The following EXD3 variants were observed in gnomAD, a reference collection of about 807,000 sequenced individuals.
EXD3 encodes exonuclease mut-7 homolog.
EXD3 carries 92 observed loss-of-function variants against 98.0 expected under a neutral mutation model. The observed-to-expected ratio is 0.94, with a 90% CI of 0.79 to 1.12. The LOEUF is 1.12. Ranked by LOEUF, EXD3 falls within the 50% of genes most tolerant of loss-of-function variation. EXD3 has a pLI of 0.00. For missense variants in EXD3, 1,222 were observed against 1,191.6 expected, an observed-to-expected ratio of 1.03 and a Z score of -0.38; for synonymous variants, 569 against 526.0, an observed-to-expected ratio of 1.08 and a Z score of -1.12.
intron 17 of EXD3, among the ~76,000 whole-genome samples, chr9:137,325,420 C>T (rs533598000): frequency 1.3e-5 from 2 of 152,232 alleles, no homozygotes; most frequent in South Asian, 4.1e-4. Context: ...AGAATGGTTC[C>T]TTAAAATCAT....
intron 5 of EXD3, among the ~76,000 whole-genome samples, chr9:137,369,839 C>A (rs1183562354): frequency 1.3e-5 from 2 of 152,350 alleles, no homozygotes; most frequent in South Asian, 2.1e-4. Flanking sequence ...CTCTTCACCA[C>A]GGCCATTCAG....
At position 137,317,250 on chromosome 9, in the gene EXD3, C is replaced by T. The variant is rs558985573; in HGVS notation, c.2184+6475G>A. Among the ~76,000 whole-genome samples the T allele has an allele frequency of 3.2e-4, 48 of 152,238 alleles. 1 individual carries two copies. The Middle Eastern group carries it at 0.01, about 32-fold the overall frequency. On this transcript the variant is annotated intron_variant, in intron 19 of 21. Coordinates refer to ENST00000340951, the MANE Select transcript of EXD3 (RefSeq NM_017820.5). The stretch of plus-strand genomic sequence containing the variant: ...CTCCTGTTGGATGGGCAAAATGTGG[C>T]GACTGGACACAGACCCTACCTTGTC...
chr9:137,396,651 C>T (rs1179270564), intron 1 of EXD3, among the ~76,000 whole-genome samples: 1 of 152,222 alleles, frequency 6.6e-6, no homozygotes, highest in East Asian at 1.9e-4. Context: ...CACAACAACA[C>T]AACCTCCTGA....
chr9:137,393,206 G>C lies in EXD3; in HGVS notation c.55+2097C>G, dbSNP rs1340683307. The C allele has an allele frequency of 1.4e-6, 1 of 702,752 alleles. No individual in the cohort carries two copies. The highest frequency in any genetic ancestry group is 2.6e-6 in the Non-Finnish European group (1 of 384,922). 43.5% of individuals were successfully genotyped at this position (702,752 alleles called of 1,614,324 possible). A position where few individuals can be genotyped will look rare whatever the true frequency, so the allele number is the denominator to read the frequency against. ...TGAAAACATCCCACTCTGCTTAGGT[G>C]GAGAAGAGGCTGTAGAAGCCTGTGG... On this transcript the variant is annotated intron_variant, in intron 2 of 21. Transcript: ENST00000340951. The surrounding 1 kb of genome is among the most constrained non-coding windows in gnomAD (Gnocchi z 4.6).
At position 137,307,179 on chromosome 9, in the gene EXD3, GTC is replaced by G; in HGVS notation, c.2400_2401del (p.Glu800AspfsTer83). On this transcript the variant is annotated frameshift_variant, in exon 22 of 22. Transcript: ENST00000340951. LOFTEE classifies it low-confidence loss of function (END_TRUNC). Reference sequence around the variant, plus strand: ...GGTGCCGTCGGCCAGCATGTCCGGTGTCTCCGCCCGCAGGTCAGCCATCTGCA... The same window carrying G: ...GGTGCCGTCGGCCAGCATGTCCGGTGTCCGCCCGCAGGTCAGCCATCTGCA... 6.3e-7 allele frequency: 1 copy of G among 1,585,778 alleles called. No individual in the cohort carries two copies. Among genetic ancestry groups the G allele is most frequent in the African/African-American group, 1.3e-5 (1 of 74,418 alleles).
In EXD3 at chr9:137,323,711, T is replaced by C; in HGVS notation, c.2184+14A>G. On this transcript the variant is annotated intron_variant, in intron 19 of 21. Transcript: ENST00000340951. ...TGTGCCAGCCCCAGGTAGGACGGGGTGCGCAGGACCCACCTGGCAGCGGCT... is the reference window on the plus strand; with the variant it reads ...TGTGCCAGCCCCAGGTAGGACGGGGCGCGCAGGACCCACCTGGCAGCGGCT... 6.2e-7 allele frequency: 1 copy of C among 1,609,848 alleles called. No homozygotes were observed. Among genetic ancestry groups the C allele is most frequent in the South Asian group, 1.1e-5 (1 of 90,876 alleles).
chr9:137,323,750 T>C lies in EXD3; in HGVS notation c.2159A>G (p.His720Arg). The change falls in exon 19 of 22, where the codon CAC becomes CGC. Residue 720 changes from histidine (H) to arginine (R), a missense_variant. Transcript: ENST00000340951. ...CTGGCAGCGGCTGAAGATGTCTGCGTGGGTGACACGCACGTTGAAATGCTT... is the reference window on the plus strand; with the variant it reads ...CTGGCAGCGGCTGAAGATGTCTGCGCGGGTGACACGCACGTTGAAATGCTT... ...VLKHFNVRVT[H>R]ADIFSRCQAC... is the part of the protein sequence containing the mutation. The C allele has an allele frequency of 6.2e-7, 1 of 1,612,324 alleles. No homozygotes were observed. Among genetic ancestry groups the C allele is most frequent in the Non-Finnish European group, 8.5e-7 (1 of 1,179,702 alleles).
intron 3 of EXD3, among the ~76,000 whole-genome samples, chr9:137,379,320 G>A (rs1168282790): frequency 9.9e-6 from 1 of 101,468 alleles, no homozygotes. Context: ...CGAGGGGAAT[G>A]GGGGCGTCTG....
intron 3 of EXD3, among the ~76,000 whole-genome samples, chr9:137,380,921 G>A (rs1333343241): frequency 3.3e-5 from 5 of 150,830 alleles, no homozygotes; most frequent in Admixed American, 2.0e-4. Context: ...CCAACATGGT[G>A]AAACCCTGTC....
At position 137,348,256 on chromosome 9, in the gene EXD3, T is replaced by G; in HGVS notation, c.1831-18A>C. 1 of 1,607,710 alleles carries G rather than the reference T, an allele frequency of 6.2e-7. No homozygotes were observed. Among genetic ancestry groups the G allele is most frequent in the Non-Finnish European group, 8.5e-7 (1 of 1,177,896 alleles). Reference sequence around the variant, plus strand: ...ACAGGGACCTGCAGTGAGGCCCTGGTCAGCAGTCCCACGGTCACCCCCCAG... The same window carrying G: ...ACAGGGACCTGCAGTGAGGCCCTGGGCAGCAGTCCCACGGTCACCCCCCAG... On this transcript the variant is annotated intron_variant, in intron 16 of 21. Transcript: ENST00000340951.
intron 9 of EXD3, 93 bp downstream of exon 9, chr9:137,354,607 G>C: frequency 1.3e-6 from 2 of 1,573,752 alleles, no homozygotes; most frequent in South Asian, 2.3e-5. Flanking sequence ...TGATATGTCT[G>C]TGCACCCTGC....
intron 1 of EXD3, among the ~76,000 whole-genome samples, chr9:137,412,505 A>G (rs1425147120): frequency 6.6e-6 from 1 of 152,100 alleles, no homozygotes; most frequent in Non-Finnish European, 1.5e-5. Flanking sequence ...CTTCCAGGAG[A>G]AGCAAACAGC....
At chr9:137,322,312 T>C (rs1269202800) in intron 19 of EXD3, among the ~76,000 whole-genome samples, 1 of 149,968 alleles carries the variant, frequency 6.7e-6, no homozygotes, top group Non-Finnish European at 1.5e-5. Context: ...CAGCCTGCAC[T>C]AGGGATGCTC....
intron 7 of EXD3, among the ~76,000 whole-genome samples, chr9:137,364,416 G>A (rs1424406609): frequency 6.6e-6 from 1 of 152,028 alleles, no homozygotes; most frequent in Non-Finnish European, 1.5e-5. Flanking sequence ...GAGGTCAGGG[G>A]TTCGGGAGCA....
chr9:137,409,544 C>G (rs888357524), intron 1 of EXD3, among the ~76,000 whole-genome samples: 2 of 152,102 alleles, frequency 1.3e-5, no homozygotes, highest in African/African-American at 4.8e-5. Context: ...TAGCGAGACT[C>G]TGTTTCTATG....
intron 1 of EXD3, among the ~76,000 whole-genome samples, chr9:137,422,887 C>T (rs1056562003): frequency 6.6e-6 from 1 of 152,142 alleles, no homozygotes; most frequent in African/African-American, 2.4e-5. Context: ...GGCTCAGCTC[C>T]CCGCGGCGTC....
chr9:137,384,953 A>G (rs573654796), intron 2 of EXD3, among the ~76,000 whole-genome samples: 70 of 152,226 alleles, frequency 4.6e-4, no homozygotes, highest in South Asian at 8.4e-4. Context: ...CTAGCTGGGC[A>G]TGGTGGCGGG....
chr9:137,404,056 G>A (rs1012588276), intron 1 of EXD3, among the ~76,000 whole-genome samples: 3 of 152,138 alleles, frequency 2.0e-5, no homozygotes, highest in African/African-American at 4.8e-5. Flanking sequence ...CCCACTCCCT[G>A]GGTCTCCTCC....
At chr9:137,335,146 T>A (rs1305215659) in intron 17 of EXD3, among the ~76,000 whole-genome samples, 3 of 149,952 alleles carry the variant, frequency 2.0e-5, no homozygotes, top group Non-Finnish European at 4.4e-5. Flanking sequence ...ATTTGCAAAC[T>A]ATGCATCTAA....
Sources: gnomAD v4.1 joint callset for allele counts (sites outside exome capture counted in the v4.1 genomes callset) on GRCh38, gnomAD v4.1.1 for gene constraint, Gnocchi (gnomAD v3.1) non-coding constraint, MANE v1.5 for transcripts, NCBI Gene and HGNC (gene_info 2026-07-23, HGNC 2026-07-21) for gene names.